CAMTA1: variants seen among roughly 807,000 people sequenced by gnomAD.
The protein encoded by CAMTA1 is calmodulin binding transcription activator 1.
Under a neutral mutation model 170.9 loss-of-function variants are expected in CAMTA1, and 27 were observed. That is an observed-to-expected ratio of 0.16 (90% CI 0.12 to 0.22). The LOEUF (loss-of-function observed/expected upper bound fraction) is 0.22, where lower values mean the gene tolerates loss of function less well. Among genes scored for constraint, CAMTA1 ranks in the 10% least tolerant of loss-of-function variants. The pLI is 1.00. For missense variants in CAMTA1, 1,619 were observed against 2,217.2 expected (o/e 0.73, Z 5.42); for synonymous variants, 833 against 891.5 (o/e 0.93, Z 1.17).
At chr1:7,439,901 A>G (rs772703130) in intron 5 of CAMTA1, among the ~76,000 whole-genome samples, 1 of 152,202 alleles carries the variant, frequency 6.6e-6, no homozygotes, top group Non-Finnish European at 1.5e-5. Context: ...TGGCTTCCTC[A>G]TTTGCAAAAT....
intron 5 of CAMTA1, among the ~76,000 whole-genome samples, chr1:7,382,253 A>C (rs1471800730): frequency 6.6e-6 from 1 of 152,256 alleles, no homozygotes; most frequent in East Asian, 1.9e-4. Flanking sequence ...AAAGCTGGGC[A>C]AAGGGAAACA....
At chr1:7,574,586 G>A (rs1171692785) in intron 6 of CAMTA1, among the ~76,000 whole-genome samples, 1 of 152,174 alleles carries the variant, frequency 6.6e-6, no homozygotes, top group Non-Finnish European at 1.5e-5. Flanking sequence ...TTAACTCCAG[G>A]ATCAGCAGGG....
At chr1:7,254,606 T>C (rs926315653) in intron 5 of CAMTA1, among the ~76,000 whole-genome samples, 1 of 152,226 alleles carries the variant, frequency 6.6e-6, no homozygotes, top group Non-Finnish European at 1.5e-5. Context: ...GAGGTTATGT[T>C]TTGAGACTTG....
At chr1:7,307,353 T>A (rs1675753408) in intron 5 of CAMTA1, among the ~76,000 whole-genome samples, 1 of 151,838 alleles carries the variant, frequency 6.6e-6, no homozygotes, top group African/African-American at 2.4e-5. Context: ...TCTGTAAATT[T>A]CTTAGAATTT....
chr1:7,404,638 G>A (rs557218619), intron 5 of CAMTA1, among the ~76,000 whole-genome samples: 47 of 152,232 alleles, frequency 3.1e-4, no homozygotes, highest in African/African-American at 1.1e-3. Flanking sequence ...GCCCACGTCC[G>A]TCCCCTCACC....
Position 7,007,004 on chromosome 1 carries a change from TAA to T in CAMTA1, c.235-84283_235-84282del, listed in dbSNP as rs749633945. Among the ~76,000 whole-genome samples, 40 of 136,786 alleles carry T rather than the reference TAA, an allele frequency of 2.9e-4. No individual in the cohort carries two copies. The highest frequency in any genetic ancestry group is 2.9e-4 in the Admixed American group (4 of 13,562). 89.7% of individuals were successfully genotyped at this position (136,786 alleles called of 152,430 possible). ...TCTTAACAAGAATGTCAGATGGTAGTAAAAAAAAAAAAAAAAAATAAGAATTT... is the reference window on the plus strand; with the variant it reads ...TCTTAACAAGAATGTCAGATGGTAGTAAAAAAAAAAAAAAAATAAGAATTT... On this transcript the variant is annotated intron_variant, in intron 3 of 22. Coordinates refer to ENST00000303635, the MANE Select transcript of CAMTA1 (RefSeq NM_015215.4). The surrounding 1 kb of genome is among the most constrained non-coding windows in gnomAD (Gnocchi z 4.5).
chr1:7,291,161 G>A (rs1673080364), intron 5 of CAMTA1, among the ~76,000 whole-genome samples: 1 of 152,170 alleles, frequency 6.6e-6, no homozygotes, highest in African/African-American at 2.4e-5. Context: ...AAGCCTAGAA[G>A]GACCTTCACT....
Position 7,668,454 on chromosome 1 carries a change from T to A in CAMTA1, c.2653-2457T>A, listed in dbSNP as rs529550459. On this transcript the variant is annotated intron_variant, in intron 9 of 22. Coordinates refer to ENST00000303635, the MANE Select transcript of CAMTA1 (RefSeq NM_015215.4). ...ACACCCACCACACACCCCAGAGGCG[T>A]CCCCCTATGCCCCAGCATCTGCCCT... 5.8e-5 allele frequency among the ~76,000 whole-genome samples: 8 copies of A among 137,650 alleles called. No individual in the cohort carries two copies. The East Asian group carries it at 1.5e-3, about 26-fold the overall frequency. 90.3% of individuals were successfully genotyped at this position (137,650 alleles called of 152,430 possible).
chr1:7,626,188 G>T (rs1335615958), intron 6 of CAMTA1, among the ~76,000 whole-genome samples: 1 of 152,086 alleles, frequency 6.6e-6, no homozygotes, highest in East Asian at 1.9e-4. Context: ...TAAAACAATT[G>T]CTGGAATCTC....
chr1:7,741,320 T>C (rs1187789793), intron 16 of CAMTA1, among the ~76,000 whole-genome samples: 2 of 152,084 alleles, frequency 1.3e-5, no homozygotes, highest in African/African-American at 2.4e-5. Context: ...TCCCAGCACT[T>C]TGGGAGGCCG....
intron 11 of CAMTA1, chr1:7,694,034 T>C (rs749760140): frequency 5.3e-5 from 8 of 152,266 alleles, no homozygotes; most frequent in Non-Finnish European, 1.2e-4. Flanking sequence ...TCCAAGGGCT[T>C]AGAGTTCACC....
At position 7,500,082 on chromosome 1, in the gene CAMTA1, TG is replaced by T. The variant is rs1259487015; in HGVS notation, c.510+32182del. On this transcript the variant is annotated intron_variant, in intron 6 of 22. Transcript: ENST00000303635. ...GTACGTATATGAGTGTGTGTGTGCA[TG>T]TGTGTCCATGAGTGTGTAGAAGATT... Among the ~76,000 whole-genome samples, 7 of 144,546 alleles carry T rather than the reference TG, an allele frequency of 4.8e-5. 1 individual carries two copies. Among genetic ancestry groups the T allele is most frequent in the Non-Finnish European group, 9.0e-5 (6 of 66,524 alleles). 94.8% of individuals were successfully genotyped at this position (144,546 alleles called of 152,430 possible).
intron 6 of CAMTA1, among the ~76,000 whole-genome samples, chr1:7,620,959 G>T (rs567786485): frequency 6.6e-6 from 1 of 152,314 alleles, no homozygotes; most frequent in East Asian, 1.9e-4. Context: ...CAGCCCTGAG[G>T]ACAGGTGCAG....
chr1:7,480,205 GAGTGCA>G (rs2093496595), intron 6 of CAMTA1, among the ~76,000 whole-genome samples: 2 of 76,344 alleles, frequency 2.6e-5, no homozygotes, highest in East Asian at 6.8e-4. Flanking sequence ...GCATGTGTGT[GAGTGCA>G]TGTGTGTACG....
At chr1:6,937,582 C>T (rs1166412743) in intron 3 of CAMTA1, among the ~76,000 whole-genome samples, 1 of 63,672 alleles carries the variant, frequency 1.6e-5, no homozygotes, top group Non-Finnish European at 3.5e-5. Flanking sequence ...CTTACCACCA[C>T]CATCGTCACC....
At chr1:7,028,851 C>G (rs1217793485) in intron 3 of CAMTA1, among the ~76,000 whole-genome samples, 2 of 152,160 alleles carry the variant, frequency 1.3e-5, no homozygotes, top group Non-Finnish European at 2.9e-5. Flanking sequence ...AGACAATACG[C>G]AAATTGTATA....
At chr1:7,210,933 T>C (rs1658635256) in intron 4 of CAMTA1, among the ~76,000 whole-genome samples, 1 of 152,236 alleles carries the variant, frequency 6.6e-6, no homozygotes, top group South Asian at 2.1e-4. Context: ...GCCCTTTCAA[T>C]TTGGCTACTG....
intron 6 of CAMTA1, among the ~76,000 whole-genome samples, chr1:7,526,739 T>C (rs1306852266): frequency 6.6e-6 from 1 of 152,318 alleles, no homozygotes; most frequent in East Asian, 1.9e-4. Flanking sequence ...GCCTTCTGGA[T>C]ACCCTCAGGG....
intron 21 of CAMTA1, 99 bp from the exon 22 acceptor site, chr1:7,755,539 C>G: frequency 6.5e-6 from 6 of 925,618 alleles, no homozygotes; most frequent in Non-Finnish European, 1.8e-6. Flanking sequence ...AAAAAGAAAC[C>G]ATGTTATATT....
Sources: gnomAD v4.1 joint callset for allele counts (sites outside exome capture counted in the v4.1 genomes callset) on GRCh38, gnomAD v4.1.1 for gene constraint, Gnocchi (gnomAD v3.1) non-coding constraint, MANE v1.5 for transcripts, NCBI Gene and HGNC (gene_info 2026-07-23, HGNC 2026-07-21) for gene names.